Variants in ZNF521 observed in about 807,000 individuals in gnomAD.
The protein encoded by ZNF521 is zinc finger protein 521.
Under a neutral mutation model 105.5 loss-of-function variants are expected in ZNF521, and 14 were observed. That is an observed-to-expected ratio of 0.13 (90% CI 0.09 to 0.21). The LOEUF is 0.21. ZNF521 is among the 10% of genes least tolerant of loss of function. The pLI is 1.00. For missense variants in ZNF521, 1,233 were observed against 1,629.7 expected (o/e 0.76, Z 4.19); for synonymous variants, 635 against 606.0 (o/e 1.05, Z -0.70).
chr18:25,259,520 C>T (rs772833157), intron 3 of ZNF521, among the ~76,000 whole-genome samples: 5 of 152,028 alleles, frequency 3.3e-5, no homozygotes, highest in East Asian at 1.9e-4. Context: ...GCACCACGGG[C>T]GTAAACTTCC....
chr18:25,250,140 C>A (rs1162621982), intron 3 of ZNF521, among the ~76,000 whole-genome samples: 1 of 151,974 alleles, frequency 6.6e-6, no homozygotes, highest in Non-Finnish European at 1.5e-5. Flanking sequence ...GGGGTTTCAT[C>A]GTATTAGCCA....
chr18:25,135,468 C>G (rs1384997570), intron 5 of ZNF521, among the ~76,000 whole-genome samples: 1 of 151,938 alleles, frequency 6.6e-6, no homozygotes, highest in African/African-American at 2.4e-5. Flanking sequence ...ACCAGGTTTG[C>G]TACACAAGCC....
chr18:25,088,309 G>A (rs979222378), intron 7 of ZNF521, among the ~76,000 whole-genome samples: 4 of 150,518 alleles, frequency 2.7e-5, no homozygotes, highest in South Asian at 4.2e-4. Flanking sequence ...TCCGCCTCCC[G>A]GGTTCATGCC....
chr18:25,187,029 C>T (rs368484216), intron 5 of ZNF521, among the ~76,000 whole-genome samples: 1 of 152,048 alleles, frequency 6.6e-6, no homozygotes, highest in Non-Finnish European at 1.5e-5. Context: ...ATGTACGTCT[C>T]ACAGGCGTTT....
chr18:25,182,670 TA>T (rs2144595602), intron 5 of ZNF521, among the ~76,000 whole-genome samples: 1 of 152,324 alleles, frequency 6.6e-6, no homozygotes, highest in South Asian at 2.1e-4. Context: ...CTTATGAGAA[TA>T]CAAATAGCAA....
intron 3 of ZNF521, among the ~76,000 whole-genome samples, chr18:25,313,889 T>C (rs558998755): frequency 6.6e-6 from 1 of 151,958 alleles, no homozygotes; most frequent in Admixed American, 6.5e-5. Context: ...CTTAGGGAGA[T>C]TTGGAGAATG....
chr18:25,290,607 C>CTTTTTTTT, intron 3 of ZNF521, among the ~76,000 whole-genome samples: 1 of 116,188 alleles, frequency 8.6e-6, no homozygotes, highest in Non-Finnish European at 1.8e-5. Flanking sequence ...AGGCCATATT[C>CTTTTTTTT]TTTTTTTTTT....
Position 25,226,015 on chromosome 18 carries a change from T to C in ZNF521, c.1903A>G (p.Ile635Val). 2 of 1,614,220 alleles carry C rather than the reference T, an allele frequency of 1.2e-6. No individual in the cohort carries two copies. The highest frequency in any genetic ancestry group is 1.7e-6 in the Non-Finnish European group (2 of 1,180,030). Residue 635 changes from isoleucine (I) to valine (V), a missense_variant, in exon 4 of 8, where the codon ATC (isoleucine) becomes GTC (valine). By Grantham distance (29) the Ile-to-Val change is conservative (BLOSUM62 3). This residue lies in a region of ZNF521 where 614 missense variants were observed against 751.5 expected (regional missense o/e 0.82). Coordinates refer to ENST00000361524, the MANE Select transcript of ZNF521 (RefSeq NM_015461.3). This position sits in a 1 kb window ranked among gnomAD's most constrained non-coding sequence, Gnocchi z 4.1. The stretch of plus-strand genomic sequence containing the variant: ...TACTTAGCACCACATTGATTACAGA[T>C]ATATTCTCCAGTGGGACGTGCAGGT... The part of the protein sequence containing the change: ...GAPARPTGEY[I>V]CNQCGAKYTS...
At chr18:25,179,770 A>G (rs1230744126) in intron 5 of ZNF521, among the ~76,000 whole-genome samples, 2 of 152,246 alleles carry the variant, frequency 1.3e-5, no homozygotes, top group Non-Finnish European at 2.9e-5. Flanking sequence ...AACACGCTAA[A>G]CACAAGACAC....
In ZNF521 at chr18:25,256,498, G is replaced by A. The variant is rs148003281; in HGVS notation, c.221-28801C>T. On this transcript the variant is annotated intron_variant, in intron 3 of 7. Transcript: ENST00000361524. The stretch of plus-strand genomic sequence containing the variant: ...AAATGCCTTAAAAGAAGACAGTGAC[G>A]ATTCCAAGGAGAGAGCAGTTATGTC... Among the ~76,000 whole-genome samples the A allele has an allele frequency of 7.4e-3, 1,131 of 152,224 alleles. 16 individuals are homozygous for A. Among genetic ancestry groups the A allele is most frequent in the African/African-American group, 0.026 (1,066 of 41,538 alleles).
At chr18:25,328,247 C>T (rs1371979293) in intron 2 of ZNF521, among the ~76,000 whole-genome samples, 1 of 152,158 alleles carries the variant, frequency 6.6e-6, no homozygotes, top group East Asian at 1.9e-4. Context: ...GATTGTTCTA[C>T]AGGTCTATCA....
intron 5 of ZNF521, among the ~76,000 whole-genome samples, chr18:25,127,799 A>T (rs893280850): frequency 6.6e-6 from 1 of 152,044 alleles, no homozygotes; most frequent in African/African-American, 2.4e-5. Context: ...AAAACAAAAA[A>T]ATTAACCCAA....
chr18:25,284,910 G>GCGCGCGCACA (rs1555658165), intron 3 of ZNF521, among the ~76,000 whole-genome samples: 1 of 148,602 alleles, frequency 6.7e-6, no homozygotes, highest in African/African-American at 2.5e-5. Flanking sequence ...GTGCGCGCGC[G>GCGCGCGCACA]CACACACACA....
At chr18:25,278,752 AATCTC>A (rs1910191910) in intron 3 of ZNF521, among the ~76,000 whole-genome samples, 1 of 152,114 alleles carries the variant, frequency 6.6e-6, no homozygotes, top group Non-Finnish European at 1.5e-5. Flanking sequence ...TTAAAAAAAA[AATCTC>A]TCTTTCTCCA....
chr18:25,134,792 C>T (rs749615121), intron 5 of ZNF521, among the ~76,000 whole-genome samples: 44 of 152,084 alleles, frequency 2.9e-4, no homozygotes, highest in Non-Finnish European at 3.4e-4. Flanking sequence ...CCATCAAGCT[C>T]ATGATTCCAG....
At chr18:25,313,084 A>C (rs1321026701) in intron 3 of ZNF521, among the ~76,000 whole-genome samples, 2 of 152,156 alleles carry the variant, frequency 1.3e-5, no homozygotes, top group Non-Finnish European at 2.9e-5. Flanking sequence ...AATAGTCAGA[A>C]ACCAATCAGA....
At position 25,225,544 on chromosome 18, in the gene ZNF521, A is replaced by G. The variant is rs1906063420; in HGVS notation, c.2374T>C (p.Phe792Leu). 6.2e-7 allele frequency: 1 copy of G among 1,614,190 alleles called. No homozygotes were observed. The highest frequency in any genetic ancestry group is 8.5e-7 in the Non-Finnish European group (1 of 1,180,028). Reference sequence around the variant, plus strand: ...CATTGCAGCTCCACCTCGGTGCCAAAGGACTCACCGCAGAAAATGCACTTA... The same window carrying G: ...CATTGCAGCTCCACCTCGGTGCCAAGGGACTCACCGCAGAAAATGCACTTA... The part of the protein sequence containing the change: ...VHKCIFCGES[F>L]GTEVELQCHI... Residue 792 changes from phenylalanine to leucine, a missense_variant, in exon 4 of 8, where the codon TTT (phenylalanine) becomes CTT (leucine). Physicochemically the swap from Phe to Leu is conservative, Grantham distance 22 (BLOSUM62 0). Transcript: ENST00000361524. This position sits in a 1 kb window ranked among gnomAD's most constrained non-coding sequence, Gnocchi z 5.6.
At chr18:25,222,624 T>A (rs1210289194) in intron 4 of ZNF521, among the ~76,000 whole-genome samples, 2 of 152,152 alleles carry the variant, frequency 1.3e-5, no homozygotes, top group African/African-American at 4.8e-5. Context: ...AAATTAAACA[T>A]GAGTATCAAT....
intron 1 of ZNF521, 141 bp downstream of exon 1, chr18:25,351,864 C>G (rs888699131): frequency 1.1e-5 from 3 of 261,830 alleles, no homozygotes; most frequent in Non-Finnish European, 2.3e-5. Flanking sequence ...CTAAAGTCTA[C>G]GGCTGCCTCG....
Sources: gnomAD v4.1 joint callset for allele counts (sites outside exome capture counted in the v4.1 genomes callset) on GRCh38, gnomAD v4.1.1 for gene constraint, gnomAD v4.1.1 regional missense constraint, Gnocchi (gnomAD v3.1) non-coding constraint, MANE v1.5 for transcripts, NCBI Gene and HGNC (gene_info 2026-07-23, HGNC 2026-07-21) for gene names.